BCAS3: variants seen among roughly 807,000 people sequenced by gnomAD.
BCAS3 encodes the protein BCAS4/BCAS3 fusion.
BCAS3 carries 53 observed loss-of-function variants against 116.1 expected under a neutral mutation model. The observed-to-expected ratio is 0.46, with a 90% CI of 0.37 to 0.57. BCAS3 has a LOEUF of 0.57. Among genes scored for constraint, BCAS3 ranks in the 20% least tolerant of loss-of-function variants. The pLI is 0.00. For missense variants in BCAS3, 917 were observed against 1,165.4 expected (o/e 0.79, Z 3.10); for synonymous variants, 391 against 408.2 (o/e 0.96, Z 0.51).
chr17:61,005,604 A>G (rs2064618258), intron 15 of BCAS3, among the ~76,000 whole-genome samples: 1 of 152,042 alleles, frequency 6.6e-6, no homozygotes, highest in Non-Finnish European at 1.5e-5. Flanking sequence ...AAATAGAGCC[A>G]GAAAATATCC....
chr17:60,735,538 C>T (rs1026032600), intron 5 of BCAS3, among the ~76,000 whole-genome samples: 21 of 152,054 alleles, frequency 1.4e-4, no homozygotes, highest in African/African-American at 4.3e-4. Flanking sequence ...ACTACAACCC[C>T]TGCTTTCTGA....
At chr17:61,250,695 A>C (rs1377988697) in intron 22 of BCAS3, among the ~76,000 whole-genome samples, 1 of 152,326 alleles carries the variant, frequency 6.6e-6, no homozygotes, top group South Asian at 2.1e-4. Flanking sequence ...ACCCATGTAC[A>C]TGCTGTGAGT....
chr17:61,210,822 C>A (rs893622840), intron 22 of BCAS3, among the ~76,000 whole-genome samples: 1 of 152,192 alleles, frequency 6.6e-6, no homozygotes, highest in African/African-American at 2.4e-5. Flanking sequence ...TGCAGACAGA[C>A]AAAACCAGAG....
intron 3 of BCAS3, 98 bp downstream of exon 3, chr17:60,684,134 A>G (rs1165539090): frequency 2.6e-6 from 3 of 1,156,308 alleles, no homozygotes; most frequent in Non-Finnish European, 3.8e-6. Flanking sequence ...AACTTCCAAA[A>G]GGTTTTTGAT....
At chr17:60,780,051 G>A (rs973866885) in intron 6 of BCAS3, among the ~76,000 whole-genome samples, 8 of 150,976 alleles carry the variant, frequency 5.3e-5, no homozygotes, top group East Asian at 2.0e-4. Context: ...GTGCAGTGGC[G>A]CCATCTCGGC....
At chr17:61,119,775 C>A (rs2075689086) in intron 22 of BCAS3, among the ~76,000 whole-genome samples, 1 of 151,970 alleles carries the variant, frequency 6.6e-6, no homozygotes, top group South Asian at 2.1e-4. Context: ...AGAGCATTAT[C>A]TTTGAACTTA....
At chr17:61,329,512 T>A (rs376685654) in intron 22 of BCAS3, among the ~76,000 whole-genome samples, 1 of 151,720 alleles carries the variant, frequency 6.6e-6, no homozygotes, top group South Asian at 2.1e-4. Flanking sequence ...GGCTAATTTT[T>A]TGTATTTTTT....
rs146903344 is a variant in BCAS3, at chr17:61,136,663, A to G, written c.2425+52099A>G. On this transcript the variant is annotated intron_variant, in intron 22 of 23. Coordinates refer to ENST00000407086, the MANE Select transcript of BCAS3 (RefSeq NM_017679.5). This position sits in a 1 kb window ranked among gnomAD's most constrained non-coding sequence, Gnocchi z 4.4. ...CAACCTCTGCCTCCCAGGTTCAAGC[A>G]ATTCTTATACCTCAGCCTCCTGAGT... Among the ~76,000 whole-genome samples, 707 of 152,236 alleles carry G rather than the reference A, an allele frequency of 4.6e-3. 6 individuals carry two copies. Among genetic ancestry groups the G allele is most frequent in the Non-Finnish European group, 7.4e-3 (500 of 68,008 alleles).
At chr17:61,260,583 C>T (rs2049116334) in intron 22 of BCAS3, among the ~76,000 whole-genome samples, 1 of 152,178 alleles carries the variant, frequency 6.6e-6, no homozygotes, top group African/African-American at 2.4e-5. Context: ...AATCTTCCCA[C>T]CAGCTTTATT....
At chr17:60,838,501 G>A (rs576228134) in intron 7 of BCAS3, among the ~76,000 whole-genome samples, 11 of 151,762 alleles carry the variant, frequency 7.2e-5, no homozygotes, top group Non-Finnish European at 1.6e-4. Flanking sequence ...TAAGACCCCC[G>A]AGAAAGATAG....
chr17:60,974,132 C>T (rs895832208), intron 14 of BCAS3, among the ~76,000 whole-genome samples: 1 of 152,146 alleles, frequency 6.6e-6, no homozygotes, highest in African/African-American at 2.4e-5. Flanking sequence ...CTTCTTATCA[C>T]ACTAAAGTTT....
At chr17:61,201,402 C>T (rs1184615335) in intron 22 of BCAS3, among the ~76,000 whole-genome samples, 1 of 152,228 alleles carries the variant, frequency 6.6e-6, no homozygotes, top group East Asian at 1.9e-4. Context: ...CATCCATTGC[C>T]ACTGGAAAAA....
chr17:61,340,345 A>T (rs904318907), intron 22 of BCAS3, among the ~76,000 whole-genome samples: 5 of 151,896 alleles, frequency 3.3e-5, no homozygotes, highest in African/African-American at 1.2e-4. Context: ...GGGTGGGTGG[A>T]TTCCAGGACA....
At chr17:61,049,734 T>C (rs1007381548) in intron 19 of BCAS3, among the ~76,000 whole-genome samples, 12 of 144,720 alleles carry the variant, frequency 8.3e-5, no homozygotes, top group Admixed American at 2.0e-4. Flanking sequence ...TCTTTTCTTT[T>C]TTTTTTTTTT....
At chr17:60,965,758 C>G (rs976325954) in intron 14 of BCAS3, among the ~76,000 whole-genome samples, 3 of 152,094 alleles carry the variant, frequency 2.0e-5, no homozygotes, top group African/African-American at 7.2e-5. Flanking sequence ...GTTTTATGAC[C>G]TAAGATATGG....
At chr17:61,090,648 CTTCTTTCT>C (rs890017679) in intron 22 of BCAS3, among the ~76,000 whole-genome samples, 2 of 151,986 alleles carry the variant, frequency 1.3e-5, no homozygotes, top group East Asian at 3.9e-4. Context: ...TCCTCTTATT[CTTCTTTCT>C]TTCTTTCTTT....
intron 13 of BCAS3, among the ~76,000 whole-genome samples, chr17:60,929,123 C>T (rs561967759): frequency 3.9e-5 from 6 of 152,230 alleles, no homozygotes; most frequent in Non-Finnish European, 7.3e-5. Context: ...TTAAGAAATG[C>T]GACATTATAA....
chr17:60,837,053 C>T (rs1314824959), intron 7 of BCAS3, among the ~76,000 whole-genome samples: 1 of 151,980 alleles, frequency 6.6e-6, no homozygotes. Flanking sequence ...GAAATGGGAC[C>T]TGATTATTTC....
rs148549646 is a variant in BCAS3 at position 60,981,577 on chromosome 17, C to T, written c.1222-8394C>T. 3.9e-5 allele frequency among the ~76,000 whole-genome samples: 6 copies of T among 152,250 alleles called. No individual in the cohort carries two copies. The South Asian group carries it at 6.2e-4, about 16-fold the overall frequency. On this transcript the variant is annotated intron_variant, in intron 14 of 23. Coordinates refer to ENST00000407086, the MANE Select transcript of BCAS3 (RefSeq NM_017679.5). ...GGATTACCTACGTGAGCCACTGTGCCCAGCCACAAGAGTGATAGCAGTATG... is the reference window on the plus strand; with the variant it reads ...GGATTACCTACGTGAGCCACTGTGCTCAGCCACAAGAGTGATAGCAGTATG...
Sources: gnomAD v4.1 joint callset for allele counts (sites outside exome capture counted in the v4.1 genomes callset) on GRCh38, gnomAD v4.1.1 for gene constraint, Gnocchi (gnomAD v3.1) non-coding constraint, MANE v1.5 for transcripts, NCBI Gene and HGNC (gene_info 2026-07-23, HGNC 2026-07-21) for gene names.